Variants in USP8 observed in about 807,000 individuals in gnomAD.
The protein encoded by USP8 is ubiquitin specific peptidase 8.
A neutral mutation model predicts 130.0 loss-of-function variants in USP8; 27 were observed. The ratio of observed to expected loss-of-function variants is 0.21; its 90% confidence interval spans 0.15 to 0.29. The LOEUF (loss-of-function observed/expected upper bound fraction) is 0.29, where lower values mean the gene tolerates loss of function less well. USP8 is among the 10% of genes least tolerant of loss of function. The probability of loss-of-function intolerance (pLI) is 1.00; values close to 1 mark genes in which losing one functional copy is unlikely to be tolerated. For synonymous variants in USP8, 392 were observed against 444.1 expected, an observed-to-expected ratio of 0.88 and a Z score of 1.48; for missense variants, 1,029 against 1,312.2, an observed-to-expected ratio of 0.78 and a Z score of 3.33.
intron 1 of USP8, among the ~76,000 whole-genome samples, chr15:50,427,627 T>A (rs1370936130): frequency 6.8e-6 from 1 of 146,792 alleles, no homozygotes; most frequent in Non-Finnish European, 1.5e-5. Context: ...CAGTGGTGAG[T>A]TCTCGGCTCA....
chr15:50,465,527 CT>C (rs1457547773), intron 7 of USP8, among the ~76,000 whole-genome samples: 3 of 152,156 alleles, frequency 2.0e-5, no homozygotes, highest in Admixed American at 6.5e-5. Context: ...GATTTGCCAA[CT>C]TTTGATTTGG....
intron 1 of USP8, among the ~76,000 whole-genome samples, chr15:50,431,063 A>C (rs560367453): frequency 6.6e-6 from 1 of 152,224 alleles, no homozygotes; most frequent in Non-Finnish European, 1.5e-5. Flanking sequence ...GGCAAGGTTG[A>C]GAAACGCTGC....
intron 18 of USP8, chr15:50,498,312 A>G: frequency 3.8e-6 from 1 of 263,882 alleles, no homozygotes; most frequent in Non-Finnish European, 7.1e-6. Flanking sequence ...CCTTCCTAGA[A>G]GACTCATGTA....
rs1049942377 is a variant in USP8 at position 50,511,635 on chromosome 15, A to C, written c.*12547A>C. ...CATGCTATGACATGAATGAAACTTGAAAACATTATGCTGAATAAAAGAAAA... is the reference window on the plus strand; with the variant it reads ...CATGCTATGACATGAATGAAACTTGCAAACATTATGCTGAATAAAAGAAAA... On this transcript the variant is annotated 3_prime_UTR_variant, in exon 20 of 20. Coordinates refer to ENST00000307179, the MANE Select transcript of USP8 (RefSeq NM_005154.5). The C allele has an allele frequency of 2.0e-5, 3 of 152,256 alleles. No individual in the cohort carries two copies. The highest frequency in any genetic ancestry group is 4.4e-5 in the Non-Finnish European group (3 of 68,054). 9.4% of individuals were successfully genotyped at this position (152,256 alleles called of 1,614,324 possible).
intron 2 of USP8, 146 bp downstream of exon 2, chr15:50,439,323 T>C: frequency 1.8e-6 from 1 of 556,226 alleles, no homozygotes; most frequent in Non-Finnish European, 3.1e-6. Context: ...AAAGTTGTAA[T>C]GTAATCGTAG....
intron 12 of USP8, 102 bp downstream of exon 12, chr15:50,484,463 C>T: frequency 2.1e-6 from 2 of 950,854 alleles, no homozygotes; most frequent in African/African-American, 1.7e-5. Flanking sequence ...ATGAGATCTA[C>T]AGTGTAAGGG....
At chr15:50,443,052 T>A (rs2050311614) in intron 3 of USP8, among the ~76,000 whole-genome samples, 1 of 152,204 alleles carries the variant, frequency 6.6e-6, no homozygotes, top group South Asian at 2.1e-4. Flanking sequence ...TTTAATTTAT[T>A]TACTTTGAGA....
At chr15:50,447,781 T>C (rs2050491969) in intron 3 of USP8, among the ~76,000 whole-genome samples, 1 of 151,852 alleles carries the variant, frequency 6.6e-6, no homozygotes, top group African/African-American at 2.4e-5. Context: ...TTTCTTCCTT[T>C]TTGTGGGGAA....
In USP8 at chr15:50,465,240, T is replaced by C. The variant is rs761364946; in HGVS notation, c.686+49T>C. 1.2e-5 allele frequency: 18 copies of C among 1,554,928 alleles called. No homozygotes were observed. In the South Asian group the frequency reaches 2.1e-4, roughly 18 times the overall value. On this transcript the variant is annotated intron_variant, in intron 7 of 19. Coordinates refer to ENST00000307179, the MANE Select transcript of USP8 (RefSeq NM_005154.5). ...GTAAACTGTGTAGTAAGTAGTAAAC[T>C]GTGGACCTTAGTAAATGTTACTACT...
chr15:50,448,902 G>A (rs1047451725), intron 3 of USP8, among the ~76,000 whole-genome samples: 1 of 152,104 alleles, frequency 6.6e-6, no homozygotes, highest in Admixed American at 6.6e-5. Flanking sequence ...CTTGTTTTAT[G>A]TATCAAAAGT....
intron 2 of USP8, among the ~76,000 whole-genome samples, chr15:50,439,553 C>A (rs1183858307): frequency 6.6e-6 from 1 of 152,060 alleles, no homozygotes; most frequent in East Asian, 1.9e-4. Context: ...CTTTGGGAGG[C>A]CAAGGTGGGC....
chr15:50,485,449 C>G (rs1415580884), intron 12 of USP8, among the ~76,000 whole-genome samples: 2 of 116,466 alleles, frequency 1.7e-5, no homozygotes, highest in Admixed American at 1.8e-4. Context: ...GACTCCATTT[C>G]AAAAAAAAAA....
chr15:50,432,589 A>G (rs1177520192), intron 1 of USP8: 2 of 152,276 alleles, frequency 1.3e-5, no homozygotes, highest in South Asian at 2.1e-4. Context: ...AGCACTGGTC[A>G]TTGGACCATA....
chr15:50,487,810 T>G (rs989956842), intron 12 of USP8, among the ~76,000 whole-genome samples: 4 of 152,218 alleles, frequency 2.6e-5, no homozygotes, highest in Non-Finnish European at 4.4e-5. Context: ...CTGTATTTGC[T>G]GAGCAACTAC....
intron 1 of USP8, among the ~76,000 whole-genome samples, chr15:50,425,806 A>C (rs1034581165): frequency 2.6e-5 from 4 of 152,104 alleles, no homozygotes; most frequent in Non-Finnish European, 5.9e-5. Flanking sequence ...CTTGGACTTT[A>C]ATCTTTATGG....
At chr15:50,441,954 G>A (rs894088875) in intron 3 of USP8, among the ~76,000 whole-genome samples, 3 of 144,710 alleles carry the variant, frequency 2.1e-5, no homozygotes, top group Admixed American at 7.0e-5. Context: ...AATTGATACT[G>A]ATCACTCCCT....
intron 7 of USP8, among the ~76,000 whole-genome samples, chr15:50,468,749 T>C (rs886835616): frequency 6.6e-6 from 1 of 152,162 alleles, no homozygotes; most frequent in African/African-American, 2.4e-5. Context: ...TTTCCTTCTT[T>C]GTGTTCATAA....
chr15:50,484,210 G>C, intron 11 of USP8, 65 bp from the exon 12 acceptor site: 1 of 1,307,332 alleles, frequency 7.6e-7, no homozygotes. Context: ...GTGTTAGCTA[G>C]TAGCTTTATG....
At chr15:50,487,856 G>A (rs929219185) in intron 12 of USP8, among the ~76,000 whole-genome samples, 1 of 152,182 alleles carries the variant, frequency 6.6e-6, no homozygotes, top group Non-Finnish European at 1.5e-5. Flanking sequence ...CTTGAGGGCA[G>A]TGTTTTTAAA....
Sources: allele counts gnomAD v4.1 joint callset (sites outside exome capture counted in the v4.1 genomes callset), GRCh38; gene constraint gnomAD v4.1.1; transcripts MANE v1.5; gene names NCBI Gene and HGNC (gene_info 2026-07-23, HGNC 2026-07-21).